GRIA4: variants seen among roughly 807,000 people sequenced by gnomAD.
GRIA4 encodes the protein glutamate receptor 4.
Under a neutral mutation model 104.0 loss-of-function variants are expected in GRIA4, and 34 were observed. The observed-to-expected ratio is 0.33, with a 90% CI of 0.25 to 0.44. The LOEUF (loss-of-function observed/expected upper bound fraction) is 0.44. Ranked by LOEUF, GRIA4 falls within the 20% of genes least tolerant of loss-of-function variation. The pLI, the probability that GRIA4 is intolerant of heterozygous loss-of-function variation, is 1.00. For missense variants in GRIA4, 750 were observed against 1,096.5 expected (o/e 0.68, Z 4.46); for synonymous variants, 386 against 381.9 (o/e 1.01, Z -0.13).
intron 15 of GRIA4, 83 bp from the exon 16 acceptor site, chr11:105,974,227 T>A: frequency 7.3e-7 from 1 of 1,366,576 alleles, no homozygotes; most frequent in Non-Finnish European, 1.0e-6. Context: ...TTTACTTTCA[T>A]TGGCTTTTTG....
At chr11:105,739,903 G>A (rs1471679491) in intron 3 of GRIA4, among the ~76,000 whole-genome samples, 1 of 152,122 alleles carries the variant, frequency 6.6e-6, no homozygotes, top group African/African-American at 2.4e-5. Flanking sequence ...AGTTAATATA[G>A]AATGAAAAAC....
intron 4 of GRIA4, among the ~76,000 whole-genome samples, chr11:105,786,813 A>G (rs1333962417): frequency 6.6e-6 from 1 of 152,220 alleles, no homozygotes; most frequent in Non-Finnish European, 1.5e-5. Flanking sequence ...ACTAGCAATT[A>G]TACTGTGAAT....
At chr11:105,692,845 C>T (rs1338595943) in intron 3 of GRIA4, among the ~76,000 whole-genome samples, 2 of 152,100 alleles carry the variant, frequency 1.3e-5, no homozygotes, top group African/African-American at 4.8e-5. Flanking sequence ...TACTTTACTT[C>T]AGTTAAATAA....
At chr11:105,638,456 T>C (rs1419053540) in intron 3 of GRIA4, among the ~76,000 whole-genome samples, 1 of 152,058 alleles carries the variant, frequency 6.6e-6, no homozygotes, top group Non-Finnish European at 1.5e-5. Flanking sequence ...CACTTTTAAA[T>C]AAATATGATC....
chr11:105,903,586 A>C (rs1946941420), intron 7 of GRIA4, among the ~76,000 whole-genome samples: 1 of 152,126 alleles, frequency 6.6e-6, no homozygotes. Context: ...TCTATTTTTC[A>C]GAATGGTTTT....
chr11:105,751,042 C>T (rs1033388880), intron 3 of GRIA4, among the ~76,000 whole-genome samples: 9 of 152,112 alleles, frequency 5.9e-5, no homozygotes, highest in African/African-American at 1.4e-4. Context: ...TTAAAGTACA[C>T]GACTTGTAAA....
chr11:105,703,205 C>T (rs144135956), intron 3 of GRIA4, among the ~76,000 whole-genome samples: 33 of 152,190 alleles, frequency 2.2e-4, no homozygotes, highest in Middle Eastern at 3.4e-3. Context: ...AAAACAAAAA[C>T]GAGTTCATTC....
At chr11:105,923,594 C>T (rs1222821429) in intron 11 of GRIA4, among the ~76,000 whole-genome samples, 7 of 152,216 alleles carry the variant, frequency 4.6e-5, no homozygotes, top group South Asian at 4.1e-4. Flanking sequence ...ATCACAATAA[C>T]GTTATGAGGT....
At chr11:105,661,995 G>C (rs566233137) in intron 3 of GRIA4, among the ~76,000 whole-genome samples, 1 of 81,696 alleles carries the variant, frequency 1.2e-5, no homozygotes, top group East Asian at 3.6e-4. Context: ...AGAAAACTGT[G>C]TGTGTGTGTG....
At chr11:105,979,022 A>G (rs149672434) in intron 16 of GRIA4, among the ~76,000 whole-genome samples, 4 of 152,292 alleles carry the variant, frequency 2.6e-5, no homozygotes, top group Admixed American at 6.5e-5. Context: ...AGAGTGAACT[A>G]TATGTCACTA....
In GRIA4 at chr11:105,825,825, T is replaced by C. The variant is rs537620753; in HGVS notation, c.488-36199T>C. 2.4e-4 allele frequency among the ~76,000 whole-genome samples: 36 copies of C among 152,164 alleles called. No individual in the cohort carries two copies. In the East Asian group the frequency reaches 6.6e-3, roughly 28 times the overall value. On this transcript the variant is annotated intron_variant, in intron 4 of 16. Coordinates refer to ENST00000282499, the MANE Select transcript of GRIA4 (RefSeq NM_000829.4). ...TGAATTGGGAGATCCCTTATGATAT[T>C]TATGAACATTCCTAGTACAGGCATA...
At chr11:105,801,174 A>G (rs533332323) in intron 4 of GRIA4, among the ~76,000 whole-genome samples, 59 of 151,692 alleles carry the variant, frequency 3.9e-4, no homozygotes, top group African/African-American at 1.4e-3. Flanking sequence ...TAAAACTCAG[A>G]GAGAAAAAAG....
At chr11:105,978,508 A>G (rs1380893681) in intron 16 of GRIA4, among the ~76,000 whole-genome samples, 1 of 152,076 alleles carries the variant, frequency 6.6e-6, no homozygotes, top group African/African-American at 2.4e-5. Flanking sequence ...CTGATCTGTA[A>G]ACATTTTTAC....
chr11:105,967,470 A>G (rs1390431126), intron 14 of GRIA4, among the ~76,000 whole-genome samples: 2 of 152,164 alleles, frequency 1.3e-5, no homozygotes, highest in Non-Finnish European at 2.9e-5. Context: ...TTGTTGTCCA[A>G]AAGAATAAAT....
At chr11:105,969,972 G>A (rs370260293) in intron 14 of GRIA4, among the ~76,000 whole-genome samples, 21 of 152,122 alleles carry the variant, frequency 1.4e-4, no homozygotes, top group African/African-American at 4.3e-4. Context: ...TAACAATCAC[G>A]TCACAAATGG....
intron 14 of GRIA4, chr11:105,966,062 G>A (rs1268158561): frequency 6.3e-7 from 1 of 1,594,520 alleles, no homozygotes. Context: ...TGACTCCAAG[G>A]TTAGCCTCAA....
At chr11:105,959,935 G>T (rs1479490257) in intron 14 of GRIA4, among the ~76,000 whole-genome samples, 1 of 152,202 alleles carries the variant, frequency 6.6e-6, no homozygotes, top group African/African-American at 2.4e-5. Flanking sequence ...TTGCTCCTGT[G>T]CAGGAAGATG....
chr11:105,895,946 G>T (rs1946635437), intron 6 of GRIA4, among the ~76,000 whole-genome samples: 1 of 152,224 alleles, frequency 6.6e-6, no homozygotes, highest in African/African-American at 2.4e-5. Flanking sequence ...ACCCAGTGGT[G>T]GGATTACTAG....
intron 6 of GRIA4, among the ~76,000 whole-genome samples, chr11:105,890,052 A>G (rs1415953473): frequency 2.0e-5 from 3 of 152,202 alleles, no homozygotes; most frequent in Non-Finnish European, 4.4e-5. Flanking sequence ...ATTCCAGAAT[A>G]TTTAAAATAT....
Sources: allele counts gnomAD v4.1 joint callset (sites outside exome capture counted in the v4.1 genomes callset), GRCh38; gene constraint gnomAD v4.1.1; transcripts MANE v1.5; gene names NCBI Gene and HGNC (gene_info 2026-07-23, HGNC 2026-07-21).